The following ESRRB variants were observed in gnomAD, a reference collection of about 807,000 sequenced individuals.
The protein encoded by ESRRB is steroid hormone receptor ERR2.
ESRRB carries 16 observed loss-of-function variants against 46.0 expected under a neutral mutation model. The observed-to-expected ratio is 0.35, with a 90% CI of 0.24 to 0.53. The LOEUF is 0.53. Among genes scored for constraint, ESRRB ranks in the 20% least tolerant of loss-of-function variants. The probability of loss-of-function intolerance (pLI) is 0.93; values close to 1 mark genes in which losing one functional copy is unlikely to be tolerated. For missense variants in ESRRB, 488 were observed against 607.4 expected (o/e 0.80, Z 2.07); for synonymous variants, 246 against 259.6 (o/e 0.95, Z 0.50).
Position 76,439,597 on chromosome 14 carries a change from G to A in ESRRB, c.307G>A (p.Gly103Ser). Residue 103 changes from glycine (G) to serine (S), a missense_variant, in exon 2 of 7, where the codon GGC becomes AGC. Gly to Ser is a moderately conservative substitution (Grantham distance 56). Transcript: ENST00000644823. ...CRKSYEDCAS[G>S]IMEDSAIKCE... The stretch of plus-strand genomic sequence containing the variant: ...CAAGAGCTACGAGGACTGTGCCAGC[G>A]GCATCATGGAGGACTCGGCCATCAA... 1.2e-6 allele frequency: 2 copies of A among 1,614,208 alleles called. No individual in the cohort carries two copies. Among genetic ancestry groups the A allele is most frequent in the Non-Finnish European group, 8.5e-7 (1 of 1,180,024 alleles).
In ESRRB at chr14:76,482,552, T is replaced by C. The variant is rs1889849833; in HGVS notation, c.689-46T>C. ...CCATCTGAGCCTCCACCCCGGCCCC[T>C]TTCCTCTTTTCCCAGCATTTACCTT... On this transcript the variant is annotated intron_variant, in intron 4 of 6. Transcript: ENST00000644823. This position sits in a 1 kb window ranked among gnomAD's most constrained non-coding sequence, Gnocchi z 4.3. 2.5e-6 allele frequency: 4 copies of C among 1,608,230 alleles called. No homozygotes were observed. The highest frequency in any genetic ancestry group is 2.7e-5 in the African/African-American group (2 of 74,790).
chr14:76,457,125 G>A (rs931207858), intron 2 of ESRRB, among the ~76,000 whole-genome samples: 1 of 152,114 alleles, frequency 6.6e-6, no homozygotes, highest in South Asian at 2.1e-4. Context: ...CCTTCTCTCC[G>A]GGAAGCACAG....
Position 76,499,476 on chromosome 14 carries a change from T to C in ESRRB, c.*1018T>C, listed in dbSNP as rs1217112200. ...AGAAAGGCCGAGCAGCTGAGATAAG[T>C]AGGCAGGGGAGCCCCAAAGGGAGGG... On this transcript the variant is annotated 3_prime_UTR_variant, in exon 7 of 7. Transcript: ENST00000644823. 1 of 360,410 alleles carries C rather than the reference T, an allele frequency of 2.8e-6. No individual in the cohort carries two copies. The highest frequency in any genetic ancestry group is 5.3e-6 in the Non-Finnish European group (1 of 187,392). 22.3% of individuals were successfully genotyped at this position (360,410 alleles called of 1,614,324 possible). A position where few individuals can be genotyped will look rare whatever the true frequency, so the allele number is the denominator to read the frequency against.
chr14:76,445,949 G>C (rs1043087614), intron 2 of ESRRB, among the ~76,000 whole-genome samples: 2 of 152,298 alleles, frequency 1.3e-5, no homozygotes, highest in East Asian at 3.9e-4. Context: ...GCCTCCCAAA[G>C]TGTTGGAATT....
chr14:76,420,265 C>T (rs1886885170), intron 1 of ESRRB, among the ~76,000 whole-genome samples: 1 of 152,082 alleles, frequency 6.6e-6, no homozygotes, highest in Non-Finnish European at 1.5e-5. Flanking sequence ...CTTCAGGCCC[C>T]CCCAGCAGAT....
At chr14:76,375,912 G>A (rs899583452), upstream of ESRRB, among the ~76,000 whole-genome samples, 2 of 110,228 alleles carry the variant, frequency 1.8e-5, no homozygotes, top group African/African-American at 7.4e-5. Context: ...CTTTAACTGC[G>A]AGAAGGCAGG....
At chr14:76,444,353 G>A (rs1378607176) in intron 2 of ESRRB, among the ~76,000 whole-genome samples, 3 of 152,042 alleles carry the variant, frequency 2.0e-5, no homozygotes, top group African/African-American at 7.2e-5. Context: ...GTTTCTAAAC[G>A]TAGCAACTGT....
chr14:76,432,148 C>T (rs2139914749), intron 1 of ESRRB, among the ~76,000 whole-genome samples: 1 of 152,340 alleles, frequency 6.6e-6, no homozygotes, highest in African/African-American at 2.4e-5. Context: ...AGCAGTTTTG[C>T]TCCCAGGGAG....
rs1168593231 is a variant in ESRRB, at chr14:76,425,475, G to A, written c.51-13866G>A. On this transcript the variant is annotated intron_variant, in intron 1 of 6. Coordinates refer to ENST00000644823, the MANE Select transcript of ESRRB (RefSeq NM_001379180.1). ...CTTTGAGGTCCTGGCCTGCCTGAGC[G>A]CCCCTGGCTGTGTGGGGGTTCTGCC... Among the ~76,000 whole-genome samples the A allele has an allele frequency of 3.3e-5, 5 of 152,014 alleles. No homozygotes were observed. The East Asian group carries it at 5.8e-4, about 18-fold the overall frequency.
chr14:76,358,417 A>C (rs1395009206), intron 1 of ESRRB, among the ~76,000 whole-genome samples: 1 of 146,234 alleles, frequency 6.8e-6, no homozygotes, highest in African/African-American at 2.5e-5. Flanking sequence ...GAAAGAAAAG[A>C]AAAGAAAAAG....
In ESRRB at chr14:76,491,773, T is replaced by C. The variant is rs1890243521; in HGVS notation, c.1120+57T>C. The C allele has an allele frequency of 1.1e-5, 17 of 1,516,016 alleles. No individual in the cohort carries two copies. The South Asian group carries it at 2.0e-4, about 18-fold the overall frequency. The allele number at this position is 1,516,016 out of a possible 1,614,324, so 93.9% of individuals were successfully genotyped here. On this transcript the variant is annotated intron_variant, in intron 6 of 6. Coordinates refer to ENST00000644823, the MANE Select transcript of ESRRB (RefSeq NM_001379180.1). ...CTTCTAGGGCTCTGCATGGGCCTAA[T>C]GAGCCCATCCCTGGGGCCTGTGGGC...
At position 76,501,419 on chromosome 14, in the gene ESRRB, T is replaced by C. The variant is rs1890653723; in HGVS notation, c.*2961T>C. On this transcript the variant is annotated 3_prime_UTR_variant, in exon 7 of 7. Coordinates refer to ENST00000644823, the MANE Select transcript of ESRRB (RefSeq NM_001379180.1). ...AGAGGCTCTCAAGACTCCAGCAGAG[T>C]CGGGAGGCCATGGCAGCGCCTTAGA... is the stretch of plus-strand genomic sequence containing the variant. 1 of 152,092 alleles carries C rather than the reference T, an allele frequency of 6.6e-6. No individual in the cohort carries two copies. Among genetic ancestry groups the C allele is most frequent in the African/African-American group, 2.4e-5 (1 of 41,376 alleles). The allele number at this position is 152,092 out of a possible 1,614,324, so 9.4% of individuals were successfully genotyped here.
At chr14:76,466,538 A>G (rs116151650) in intron 3 of ESRRB, among the ~76,000 whole-genome samples, 2,182 of 152,136 alleles carry the variant, frequency 0.014, 52 homozygotes, top group African/African-American at 0.05. Flanking sequence ...TCCAGAGCAG[A>G]CCATGGAAAA....
intron 1 of ESRRB, among the ~76,000 whole-genome samples, chr14:76,314,779 C>T (rs1347119885): frequency 2.0e-5 from 3 of 152,012 alleles, no homozygotes; most frequent in East Asian, 1.9e-4. Context: ...GTCTAAGTCC[C>T]GGCAAGCATT....
intron 1 of ESRRB, among the ~76,000 whole-genome samples, chr14:76,325,904 T>C (rs1883924327): frequency 6.6e-6 from 1 of 152,112 alleles, no homozygotes; most frequent in African/African-American, 2.4e-5. Context: ...GCACTCAGCC[T>C]CCTCTTCTCA....
intron 1 of ESRRB, among the ~76,000 whole-genome samples, chr14:76,428,318 C>G (rs1220739339): frequency 1.3e-5 from 2 of 151,984 alleles, no homozygotes; most frequent in African/African-American, 4.8e-5. Context: ...ATATTTATGC[C>G]ACATCACTGC....
At chr14:76,491,210 T>C (rs1019402017) in intron 5 of ESRRB, among the ~76,000 whole-genome samples, 3 of 152,220 alleles carry the variant, frequency 2.0e-5, no homozygotes, top group African/African-American at 7.2e-5. Flanking sequence ...ACTGTCAACA[T>C]TGACTGAGCT....
chr14:76,498,608 G>A lies in ESRRB; in HGVS notation c.*150G>A. 1 of 1,392,036 alleles carries A rather than the reference G, an allele frequency of 7.2e-7. No homozygotes were observed. The highest frequency in any genetic ancestry group is 9.5e-7 in the Non-Finnish European group (1 of 1,049,956). The allele number at this position is 1,392,036 out of a possible 1,614,324, so 86.2% of individuals were successfully genotyped here. A position where few individuals can be genotyped will look rare whatever the true frequency, so the allele number is the denominator to read the frequency against. On this transcript the variant is annotated 3_prime_UTR_variant, in exon 7 of 7. Transcript: ENST00000644823. ...CGGGGGTTTCTCACCTCCTGGCTGT[G>A]TGCAGACTCCCGGGTGCAGTGGGGT...
chr14:76,398,618 T>C (rs1485635638), intron 1 of ESRRB, among the ~76,000 whole-genome samples: 1 of 151,994 alleles, frequency 6.6e-6, no homozygotes, highest in Non-Finnish European at 1.5e-5. Flanking sequence ...AGGAGAGGAT[T>C]GCCTCTCTCT....
Sources: gnomAD v4.1 joint callset for allele counts (sites outside exome capture counted in the v4.1 genomes callset) on GRCh38, gnomAD v4.1.1 for gene constraint, Gnocchi (gnomAD v3.1) non-coding constraint, MANE v1.5 for transcripts, NCBI Gene and HGNC (gene_info 2026-07-23, HGNC 2026-07-21) for gene names.